Variants in SSR4 observed in about 807,000 individuals in gnomAD.
SSR4 encodes translocon-associated protein subunit delta.
For missense variants in SSR4, 125 were observed against 148.8 expected (o/e 0.84, Z 0.83); for synonymous variants, 84 against 65.6 (o/e 1.28, Z -1.35).
At chrX:153,794,498 G>C (rs967124453), upstream of SSR4, 8 of 1,158,434 alleles carry the variant, frequency 6.9e-6, no homozygotes, top group Non-Finnish European at 9.2e-6. Context: ...CCATGTTGAG[G>C]GGGGGACCGC....
At chrX:153,797,949 A>G in intron 4 of SSR4, 122 bp from the exon 5 acceptor site, 1 of 910,677 alleles carries the variant, frequency 1.1e-6, no homozygotes, top group Non-Finnish European at 1.6e-6. Flanking sequence ...TCTCTTGCCC[A>G]TTTCTCTCCT....
At chrX:153,796,346 G>A (rs1256923763) in intron 1 of SSR4, 88 bp from the exon 2 acceptor site, 12 of 641,838 alleles carry the variant, frequency 1.9e-5, no homozygotes, top group South Asian at 1.4e-4. Context: ...CAGCTGATCC[G>A]TGCTATGAGG....
chrX:153,797,875 G>T (rs1354076200), intron 4 of SSR4, 61 bp downstream of exon 4: 4 of 1,003,122 alleles, frequency 4.0e-6, no homozygotes, highest in Non-Finnish European at 5.5e-6. Context: ...GGGCTGGGTT[G>T]GGAGGTGCTG....
intron 1 of SSR4, chrX:153,795,543 G>A (rs1217339849): frequency 3.0e-6 from 1 of 328,054 alleles, no homozygotes; most frequent in Non-Finnish European, 4.0e-6. Context: ...CAGAGGACAA[G>A]CCTGGCCATA....
At chrX:153,798,046 C>T in intron 4 of SSR4, 25 bp from the exon 5 acceptor site, 1 of 1,200,679 alleles carries the variant, frequency 8.3e-7, no homozygotes, top group Non-Finnish European at 1.1e-6. Context: ...CTGACCCCAG[C>T]ACCTCCCTTG....
At chrX:153,796,795 C>A (rs782165137) in intron 2 of SSR4, 1 of 370,618 alleles carries the variant, frequency 2.7e-6, no homozygotes, top group Non-Finnish European at 4.7e-6. Flanking sequence ...GAATGAGTAT[C>A]TGGACCGGGA....
chrX:153,797,617 C>G (rs1557072914), intron 3 of SSR4, 85 bp downstream of exon 3: 1 of 1,125,044 alleles, frequency 8.9e-7, no homozygotes, highest in African/African-American at 1.8e-5. Flanking sequence ...TCAACCAGGG[C>G]CAGGGGCCGT....
In SSR4 at chrX:153,797,449, C is replaced by T. The variant is rs377212636; in HGVS notation, c.187-9C>T. 3.7e-4 allele frequency: 443 copies of T among 1,207,632 alleles called. 1 individual carries two copies. The highest frequency in any genetic ancestry group is 4.8e-4 in the Non-Finnish European group (428 of 892,511). On this transcript the variant is annotated splice_polypyrimidine_tract_variant and intron_variant, in intron 2 of 5. Coordinates refer to ENST00000370086, the MANE Select transcript of SSR4 (RefSeq NM_006280.3). ...CAGAAGGTGACCCTGCCTTTGTTCC[C>T]TCACCCAGAACATGGCTCTCTATGC...
Position 153,798,376 on chromosome X carries a change from G to T in SSR4, c.465G>T (p.Ala155=). The T allele has an allele frequency of 9.1e-6, 11 of 1,204,642 alleles. No individual in the cohort carries two copies. The highest frequency in any genetic ancestry group is 1.2e-5 in the Non-Finnish European group (11 of 891,923). The change falls in exon 6 of 6, where the codon GCG becomes GCT. Residue 155 remains alanine (A), a synonymous_variant. Transcript: ENST00000370086. ...PWVSTEVLAA[A]IGLVIYYLAF... ...TGTCCACTGAGGTGCTGGCTGCGGC[G>T]ATCGGCCTTGTGATCTACTACTTGG...
At chrX:153,796,247 C>T (rs1016207593) in intron 1 of SSR4, 187 bp from the exon 2 acceptor site, 9 of 425,418 alleles carry the variant, frequency 2.1e-5, no homozygotes, top group African/African-American at 4.9e-5. Flanking sequence ...ACAGCCATCC[C>T]GCCTACGTTG....
chrX:153,794,288 C>G (rs782098909), upstream of SSR4: 29 of 1,199,378 alleles, frequency 2.4e-5, no homozygotes, highest in Non-Finnish European at 2.9e-5. Context: ...GCACCGCCTT[C>G]GCGGCGCTGC....
chrX:153,796,646 A>T, intron 2 of SSR4, 94 bp downstream of exon 2: 1 of 691,943 alleles, frequency 1.4e-6, no homozygotes, highest in East Asian at 3.2e-5. Context: ...GAGAATCAAG[A>T]TTCCAACTCT....
Position 153,794,830 on chromosome X carries a change from G to T in SSR4, c.67+76G>T, listed in dbSNP as rs782282094. The stretch of plus-strand genomic sequence containing the variant: ...GTGGTGTTGGGGGCAGGAGGGATGC[G>T]GGGGTCCGGCCTTTCAGGGTCCGTC... On this transcript the variant is annotated intron_variant, in intron 1 of 5. Coordinates refer to ENST00000370086, the MANE Select transcript of SSR4 (RefSeq NM_006280.3). The T allele has an allele frequency of 2.5e-5, 28 of 1,111,043 alleles. No individual in the cohort carries two copies. The East Asian group carries it at 8.2e-4, about 33-fold the overall frequency. 91.6% of individuals were successfully genotyped at this position (1,111,043 alleles called of 1,213,427 possible). A position where few individuals can be genotyped will look rare whatever the true frequency, so the allele number is the denominator to read the frequency against.
intron 2 of SSR4, chrX:153,797,098 TAGGGTA>T: frequency 4.2e-6 from 1 of 237,606 alleles, no homozygotes; most frequent in Non-Finnish European, 7.6e-6. Context: ...ATGGCCCTCT[TAGGGTA>T]AAGCACCCCT....
At position 153,794,701 on chromosome X, in the gene SSR4, C is replaced by T; in HGVS notation, c.14C>T (p.Ala5Val). 8.2e-7 allele frequency: 1 copy of T among 1,212,248 alleles called. No individual in the cohort carries two copies. The highest frequency in any genetic ancestry group is 1.1e-6 in the Non-Finnish European group (1 of 895,529). Residue 5 changes from alanine (A) to valine (V), a missense_variant, in exon 1 of 6, where the codon GCA becomes GTA. Physicochemically the swap from Ala to Val is moderately conservative, Grantham distance 64. Transcript: ENST00000370086. ...AGAGAAGAGGCGATGGCGGCGATGG[C>T]ATCTCTCGGCGCCCTGGCGCTGCTC... MAAM[A>V]SLGALALLLL... is the part of the protein sequence containing the mutation.
intron 1 of SSR4, chrX:153,795,640 A>G (rs1557072123): frequency 4.0e-6 from 3 of 752,038 alleles, no homozygotes; most frequent in African/African-American, 2.3e-5. Flanking sequence ...AGCCCCTGAG[A>G]ACTGCCTCCA....
In SSR4 at chrX:153,796,241, C is replaced by T. The variant is rs2092140248; in HGVS notation, c.68-193C>T. The T allele has an allele frequency of 7.1e-6, 3 of 423,012 alleles. No homozygotes were observed. In the East Asian group the frequency reaches 1.2e-4, roughly 16 times the overall value. The allele number at this position is 423,012 out of a possible 1,213,427, so 34.9% of individuals were successfully genotyped here. On this transcript the variant is annotated intron_variant, in intron 1 of 5. Coordinates refer to ENST00000370086, the MANE Select transcript of SSR4 (RefSeq NM_006280.3). ...GCCCCTCCCCAGCCTTCCTTCACAG[C>T]CATCCCGCCTACGTTGCCATTGCAT...
chrX:153,796,843 G>A (rs1293924260), intron 2 of SSR4: 8 of 311,117 alleles, frequency 2.6e-5, no homozygotes, highest in Non-Finnish European at 4.5e-5. Flanking sequence ...GTTGCCATTG[G>A]CCAGTTTGTC....
At chrX:153,797,339 C>G (rs1428412552) in intron 2 of SSR4, 119 bp from the exon 3 acceptor site, 1 of 590,798 alleles carries the variant, frequency 1.7e-6, no homozygotes, top group Non-Finnish European at 2.9e-6. Flanking sequence ...GCCAGGGACA[C>G]TGCAGCCCCC....
Sources: allele counts gnomAD v4.1 joint callset, GRCh38; gene constraint gnomAD v4.1.1; transcripts MANE v1.5; gene names NCBI Gene and HGNC (gene_info 2026-07-23, HGNC 2026-07-21).